The following DNAH5 variants were observed in gnomAD, a reference collection of about 807,000 sequenced individuals.
DNAH5 encodes axonemal beta dynein heavy chain 5.
DNAH5 carries 372 observed loss-of-function variants against 518.2 expected under a neutral mutation model. That is an observed-to-expected ratio of 0.72 (90% CI 0.66 to 0.78). DNAH5 has a LOEUF of 0.78. DNAH5 is among the 30% of genes least tolerant of loss of function. DNAH5 has a pLI of 0.00. For synonymous variants in DNAH5, 2,039 were observed against 2,025.9 expected, an observed-to-expected ratio of 1.01 and a Z score of -0.17; for missense variants, 5,523 against 5,687.0, an observed-to-expected ratio of 0.97 and a Z score of 0.93.
rs111397466 is a variant in DNAH5 at position 13,782,355 on chromosome 5, T to C, written c.8821-1396A>G. On this transcript the variant is annotated intron_variant, in intron 52 of 78. Transcript: ENST00000265104. ...TGGTTTTGAATTACTTTCCCCAGTT[T>C]AGTGTGAACCTGGGGAAAAGGAGAA... is the stretch of plus-strand genomic sequence containing the variant. Among the ~76,000 whole-genome samples, 1,139 of 152,332 alleles carry C rather than the reference T, an allele frequency of 7.5e-3. 10 individuals are homozygous for C. Among genetic ancestry groups the C allele is most frequent in the African/African-American group, 0.026 (1,090 of 41,550 alleles).
At position 13,807,570 on chromosome 5, in the gene DNAH5, GC is replaced by G; in HGVS notation, c.7887+20del. On this transcript the variant is annotated intron_variant, in intron 47 of 78. Coordinates refer to ENST00000265104, the MANE Select transcript of DNAH5 (RefSeq NM_001369.3). ...TTTATCACAAAATTGGGCTTACTGAGCCATACCAAAGAGCCAGTACCTGGAA... is the reference window on the plus strand; with the variant it reads ...TTTATCACAAAATTGGGCTTACTGAGCATACCAAAGAGCCAGTACCTGGAA... 1 of 1,612,042 alleles carries G rather than the reference GC, an allele frequency of 6.2e-7. No individual in the cohort carries two copies. Among genetic ancestry groups the G allele is most frequent in the South Asian group, 1.1e-5 (1 of 90,746 alleles).
Position 13,735,198 on chromosome 5 carries a change from C to G in DNAH5, c.11694G>C (p.Leu3898Phe), listed in dbSNP as rs200798994. 6.2e-7 allele frequency: 1 copy of G among 1,613,964 alleles called. No homozygotes were observed. Among genetic ancestry groups the G allele is most frequent in the Non-Finnish European group, 8.5e-7 (1 of 1,180,018 alleles). Residue 3898 changes from leucine to phenylalanine, a missense_variant, in exon 68 of 79, where the codon TTG becomes TTC. Around this residue, in one of 3 missense-constraint regions of DNAH5, gnomAD observed 5,121 missense variants for 5,223.3 expected, o/e 0.98. Transcript: ENST00000265104. ...TCTGGATGTCAATCTTTAGGGTAAG[C>G]AACAAGGTGAACAGGAATTTGTGCT... ...YEEHKFLFTL[L>F]LTLKIDIQRN...
intron 1 of DNAH5, among the ~76,000 whole-genome samples, chr5:13,975,165 C>G (rs898092282): frequency 2.6e-5 from 4 of 152,194 alleles, no homozygotes; most frequent in African/African-American, 7.2e-5. Context: ...GTTCCAGTGG[C>G]TGGGGAGCCC....
chr5:13,871,111 T>C, intron 23 of DNAH5, 109 bp from the exon 24 acceptor site: 2 of 760,242 alleles, frequency 2.6e-6, no homozygotes, highest in East Asian at 2.6e-5. Flanking sequence ...TATTGCCCTC[T>C]AACCCACAAA....
At chr5:13,833,824 C>T (rs770369366) in intron 35 of DNAH5, among the ~76,000 whole-genome samples, 22 of 152,194 alleles carry the variant, frequency 1.4e-4, no homozygotes, top group South Asian at 2.1e-4. Context: ...AAAAACACTA[C>T]GAGTTTTGGA....
Position 13,723,610 on chromosome 5 carries a change from C to T in DNAH5, c.12034-2365G>A, listed in dbSNP as rs141452780. ...CATCTCTATTGCAACTATTCAACTC[C>T]GCCATTGTTGCACAAAAGCAGTCAT... On this transcript the variant is annotated intron_variant, in intron 70 of 78. Coordinates refer to ENST00000265104, the MANE Select transcript of DNAH5 (RefSeq NM_001369.3). 9.2e-3 allele frequency among the ~76,000 whole-genome samples: 1,399 copies of T among 152,290 alleles called. 15 individuals carry two copies. The highest frequency in any genetic ancestry group is 0.032 in the African/African-American group (1,341 of 41,562).
intron 1 of DNAH5, among the ~76,000 whole-genome samples, chr5:13,981,805 A>T (rs1316193547): frequency 1.3e-5 from 2 of 152,226 alleles, no homozygotes; most frequent in Non-Finnish European, 2.9e-5. Context: ...AGAGTTACAG[A>T]AAAGTAAAAC....
intron 56 of DNAH5, 52 bp from the exon 57 acceptor site, chr5:13,769,667 C>T (rs1561212438): frequency 1.4e-6 from 2 of 1,438,560 alleles, no homozygotes; most frequent in Admixed American, 1.7e-5. Flanking sequence ...GACTTGGATG[C>T]AATTCTCAAG....
intron 41 of DNAH5, among the ~76,000 whole-genome samples, chr5:13,819,113 G>A (rs185693041): frequency 8.5e-5 from 13 of 152,206 alleles, no homozygotes; most frequent in South Asian, 4.1e-4. Flanking sequence ...TCATTGTACC[G>A]TGTGCATTTA....
At chr5:13,768,850 A>G in intron 58 of DNAH5, 110 bp downstream of exon 58, 1 of 1,237,156 alleles carries the variant, frequency 8.1e-7, no homozygotes, top group Admixed American at 1.7e-5. Flanking sequence ...TCAAGTGGAT[A>G]GAGCTTTCAT....
intron 50 of DNAH5, among the ~76,000 whole-genome samples, chr5:13,791,307 C>T (rs1756949983): frequency 6.6e-6 from 1 of 152,150 alleles, no homozygotes; most frequent in Admixed American, 6.6e-5. Flanking sequence ...CAGAGGCCAA[C>T]CCTGTCTTAG....
rs897766386 is a variant in DNAH5 at position 13,922,290 on chromosome 5, G to A, written c.477C>T (p.Gly159=). 20 of 1,613,452 alleles carry A rather than the reference G, an allele frequency of 1.2e-5. No individual in the cohort carries two copies. The Admixed American group carries it at 2.3e-4, about 19-fold the overall frequency. ...SFNMLDAADG[G]LLNSVRRLLS... is the part of the protein sequence containing the mutation. ...GCAAACGTCTCACACTGTTGAGCAG[G>A]CCTCCATCTGCCGCATCTAACATGT... Residue 159 remains glycine (G), a synonymous_variant, in exon 5 of 79, where the codon GGC becomes GGT. Transcript: ENST00000265104.
chr5:13,885,319 C>T, intron 18 of DNAH5, 91 bp from the exon 19 acceptor site: 1 of 1,478,016 alleles, frequency 6.8e-7, no homozygotes, highest in Non-Finnish European at 9.3e-7. Context: ...ATAGAATCAT[C>T]TGTTGCAATT....
At chr5:13,831,812 A>G (rs761410386) in intron 35 of DNAH5, among the ~76,000 whole-genome samples, 7 of 152,188 alleles carry the variant, frequency 4.6e-5, no homozygotes, top group Admixed American at 1.3e-4. Flanking sequence ...TGTAACAACA[A>G]CAGACACCAC....
chr5:13,916,993 T>A, intron 8 of DNAH5, 150 bp downstream of exon 8: 1 of 679,312 alleles, frequency 1.5e-6, no homozygotes, highest in Non-Finnish European at 2.6e-6. Flanking sequence ...TCTGCGTGTA[T>A]ATACCTATAT....
At chr5:13,850,906 G>C in intron 30 of DNAH5, 91 bp from the exon 31 acceptor site, 1 of 1,317,830 alleles carries the variant, frequency 7.6e-7, no homozygotes, top group African/African-American at 1.4e-5. Context: ...TGAGGCTAGA[G>C]CTTTAACCAG....
rs11742383 is a variant in DNAH5, at chr5:13,762,604, T to C, written c.10281+118A>G. ...GGCCTTTCTATGCTCACTCTCCCCA[T>C]GGACCTGAGTATCCTAACACCAGAA... is the stretch of plus-strand genomic sequence containing the variant. On this transcript the variant is annotated intron_variant, in intron 60 of 78. Coordinates refer to ENST00000265104, the MANE Select transcript of DNAH5 (RefSeq NM_001369.3). 200,014 of 859,918 alleles carry C rather than the reference T, an allele frequency of 0.23. 23,746 individuals carry two copies. Among genetic ancestry groups the C allele is most frequent in the Admixed American group, 0.28 (14,211 of 51,070 alleles). 53.3% of individuals were successfully genotyped at this position (859,918 alleles called of 1,614,324 possible).
chr5:13,826,486 T>C (rs1762905122), intron 38 of DNAH5, among the ~76,000 whole-genome samples: 2 of 152,210 alleles, frequency 1.3e-5, no homozygotes, highest in African/African-American at 4.8e-5. Flanking sequence ...CCTCATGCTG[T>C]TCTCATAATA....
At chr5:13,914,835 C>CA (rs1445496549) in intron 9 of DNAH5, among the ~76,000 whole-genome samples, 193 bp from the exon 10 acceptor site, 3 of 152,074 alleles carry the variant, frequency 2.0e-5, no homozygotes, top group Non-Finnish European at 4.4e-5. Flanking sequence ...TGTGAAATCA[C>CA]AGAGTTGGAA....
Sources: gnomAD v4.1 joint callset for allele counts (sites outside exome capture counted in the v4.1 genomes callset) on GRCh38, gnomAD v4.1.1 for gene constraint, gnomAD v4.1.1 regional missense constraint, MANE v1.5 for transcripts, NCBI Gene and HGNC (gene_info 2026-07-23, HGNC 2026-07-21) for gene names.